The following KYNU variants were observed in gnomAD, a reference collection of about 807,000 sequenced individuals.
KYNU encodes L-kynurenine hydrolase.
Under a neutral mutation model 59.2 loss-of-function variants are expected in KYNU, and 54 were observed. The ratio of observed to expected loss-of-function variants is 0.91; its 90% CI spans 0.73 to 1.14. The LOEUF (loss-of-function observed/expected upper bound fraction) is 1.14. Among genes scored for constraint, KYNU ranks in the 50% most tolerant of loss-of-function variants. The pLI, the probability that KYNU is intolerant of heterozygous loss-of-function variation, is 0.00. For synonymous variants in KYNU, 177 were observed against 192.0 expected (o/e 0.92, Z 0.65); for missense variants, 567 against 554.4 (o/e 1.02, Z -0.23).
Position 142,881,915 on chromosome 2 carries a change from TC to T in KYNU, c.-19-3433del, listed in dbSNP as rs1410217261. On this transcript the variant is annotated intron_variant, in intron 1 of 13. Coordinates refer to ENST00000264170, the MANE Select transcript of KYNU (RefSeq NM_003937.3). ...CACACCTGGCTTTTCTTTTCTTTTT[TC>T]TTTTTTTTTTTTTTTTTTTGTAGAG... 6.2e-3 allele frequency among the ~76,000 whole-genome samples: 817 copies of T among 132,692 alleles called. 16 individuals carry two copies. The highest frequency in any genetic ancestry group is 0.015 in the Middle Eastern group (4 of 268). The allele number at this position is 132,692 out of a possible 152,430, so 87.1% of individuals were successfully genotyped here.
chr2:143,018,356 T>C (rs1050951121), intron 10 of KYNU, among the ~76,000 whole-genome samples: 3 of 152,236 alleles, frequency 2.0e-5, no homozygotes, highest in African/African-American at 7.2e-5. Context: ...TTCTTCTGCA[T>C]ATTGACAGCC....
Position 142,986,560 on chromosome 2 carries a change from T to G in KYNU, c.902+539T>G, listed in dbSNP as rs537650012. ...AACAGACTGACTACATAAAAAGTAA[T>G]ACTTTTCTGTTTTATAGAACTCTTC... is the stretch of plus-strand genomic sequence containing the variant. On this transcript the variant is annotated intron_variant, in intron 10 of 13. Transcript: ENST00000264170. Among the ~76,000 whole-genome samples the G allele has an allele frequency of 2.0e-5, 3 of 152,074 alleles. No individual in the cohort carries two copies. The East Asian group carries it at 5.8e-4, about 30-fold the overall frequency.
chr2:142,953,542 G>A (rs1684064902), intron 4 of KYNU, among the ~76,000 whole-genome samples: 1 of 152,184 alleles, frequency 6.6e-6, no homozygotes, highest in East Asian at 1.9e-4. Flanking sequence ...ACATGGAGAA[G>A]AAGGCATATG....
At chr2:142,992,389 C>T (rs1685421077) in intron 10 of KYNU, among the ~76,000 whole-genome samples, 2 of 151,438 alleles carry the variant, frequency 1.3e-5, no homozygotes, top group Non-Finnish European at 1.5e-5. Context: ...AAGAAATATA[C>T]CAAAAAATCA....
intron 10 of KYNU, chr2:142,989,950 G>A (rs1475390221): frequency 6.6e-6 from 1 of 151,580 alleles, no homozygotes; most frequent in African/African-American, 2.4e-5. Context: ...TTCCTTTTTT[G>A]TTTAAATATG....
chr2:143,039,536 G>A (rs1055549067), intron 12 of KYNU, among the ~76,000 whole-genome samples: 4 of 151,930 alleles, frequency 2.6e-5, no homozygotes, highest in Admixed American at 6.6e-5. Flanking sequence ...GTATGTTCCC[G>A]GACCAAATTG....
At chr2:142,895,162 T>G (rs887266022) in intron 2 of KYNU, among the ~76,000 whole-genome samples, 2 of 152,182 alleles carry the variant, frequency 1.3e-5, no homozygotes, top group Non-Finnish European at 2.9e-5. Flanking sequence ...TTCCATAAAT[T>G]GGAATATTTT....
intron 4 of KYNU, among the ~76,000 whole-genome samples, chr2:142,932,138 A>G (rs959329973): frequency 2.6e-5 from 4 of 152,200 alleles, no homozygotes; most frequent in African/African-American, 9.7e-5. Context: ...CAGACTGGGT[A>G]ATTTCTCAGA....
intron 12 of KYNU, among the ~76,000 whole-genome samples, chr2:143,034,124 T>C (rs1686830088): frequency 6.6e-6 from 1 of 151,374 alleles, no homozygotes; most frequent in Non-Finnish European, 1.5e-5. Context: ...TTATATAGTA[T>C]AAAATTCATA....
intron 8 of KYNU, among the ~76,000 whole-genome samples, chr2:142,969,599 A>T (rs1022762352): frequency 6.6e-6 from 1 of 152,240 alleles, no homozygotes; most frequent in Non-Finnish European, 1.5e-5. Flanking sequence ...TTGATTAAAT[A>T]GACCATTTGA....
intron 2 of KYNU, among the ~76,000 whole-genome samples, chr2:142,886,119 T>C (rs1054117216): frequency 2.6e-4 from 40 of 152,104 alleles, no homozygotes; most frequent in Admixed American, 2.4e-3. Flanking sequence ...GAGGAAGTCA[T>C]TTAAAAAAAT....
intron 4 of KYNU, among the ~76,000 whole-genome samples, chr2:142,933,467 G>A (rs921135617): frequency 1.3e-5 from 2 of 152,140 alleles, no homozygotes; most frequent in African/African-American, 2.4e-5. Flanking sequence ...GGAACCTAGA[G>A]CCTAAAACAT....
intron 4 of KYNU, among the ~76,000 whole-genome samples, chr2:142,939,224 A>G (rs1683497000): frequency 6.6e-6 from 1 of 152,170 alleles, no homozygotes. Flanking sequence ...AGTTCCTACC[A>G]ATTATTATTA....
At chr2:142,977,371 G>GTATATATATATATATATATATA in intron 8 of KYNU, among the ~76,000 whole-genome samples, 1 of 75,320 alleles carries the variant, frequency 1.3e-5, no homozygotes, top group African/African-American at 6.4e-5. Context: ...AATTTTGTGT[G>GTATATATATATATATATATATA]GATATATATA....
At position 142,877,687 on chromosome 2, in the gene KYNU, G is replaced by T. The variant is rs1238475117; in HGVS notation, c.-69G>T. The T allele has an allele frequency of 6.6e-6, 1 of 152,196 alleles. No homozygotes were observed. Among genetic ancestry groups the T allele is most frequent in the Non-Finnish European group, 1.5e-5 (1 of 68,036 alleles). 9.4% of individuals were successfully genotyped at this position (152,196 alleles called of 1,614,324 possible). A position where few individuals can be genotyped will look rare whatever the true frequency, so the allele number is the denominator to read the frequency against. On this transcript the variant is annotated 5_prime_UTR_variant, in exon 1 of 14. In the 5' UTR this introduces an upstream ATG that the reference lacks. Coordinates refer to ENST00000264170, the MANE Select transcript of KYNU (RefSeq NM_003937.3). ...GTACATTTTCAAGGAATTCTTGAGA[G>T]GTTCTTGGAGAGATTCTGGGAGCCA...
Position 143,052,046 on chromosome 2 carries a change from A to C in KYNU, c.*9874A>C, listed in dbSNP as rs919838648. The C allele has an allele frequency of 6.6e-6, 1 of 152,292 alleles. No homozygotes were observed. The highest frequency in any genetic ancestry group is 6.5e-5 in the Admixed American group (1 of 15,286). The allele number at this position is 152,292 out of a possible 1,614,324, so 9.4% of individuals were successfully genotyped here. A position where few individuals can be genotyped will look rare whatever the true frequency, so the allele number is the denominator to read the frequency against. ...TCCAGGCTGAGGTGGTCTCAGACAA[A>C]GATAAGGAACTTCTTGGGAACTGGA... On this transcript the variant is annotated 3_prime_UTR_variant, in exon 14 of 14. Transcript: ENST00000264170.
rs76167375 is a variant in KYNU at position 142,942,956 on chromosome 2, C to T, written c.374-11854C>T. On this transcript the variant is annotated intron_variant, in intron 4 of 13. Coordinates refer to ENST00000264170, the MANE Select transcript of KYNU (RefSeq NM_003937.3). The stretch of plus-strand genomic sequence containing the variant: ...ATTCTTCCCTTACCAGCTGAATGTC[C>T]CTAGAAGGTCACATAAGAGACATTA... Among the ~76,000 whole-genome samples the T allele has an allele frequency of 7.6e-3, 1,159 of 152,178 alleles. 13 individuals are homozygous for T. The highest frequency in any genetic ancestry group is 0.027 in the African/African-American group (1,118 of 41,504).
intron 11 of KYNU, among the ~76,000 whole-genome samples, chr2:143,032,358 C>T (rs977044936): frequency 2.0e-5 from 3 of 151,978 alleles, no homozygotes; most frequent in African/African-American, 7.2e-5. Context: ...AACTCCTTCA[C>T]TATCATGAGA....
intron 2 of KYNU, among the ~76,000 whole-genome samples, chr2:142,886,818 G>C (rs897204763): frequency 3.3e-5 from 5 of 152,162 alleles, no homozygotes; most frequent in African/African-American, 7.2e-5. Flanking sequence ...TGGTGGCCCT[G>C]CCCTGATGTG....
Sources: allele counts gnomAD v4.1 joint callset (sites outside exome capture counted in the v4.1 genomes callset), GRCh38; gene constraint gnomAD v4.1.1; transcripts MANE v1.5; gene names NCBI Gene and HGNC (gene_info 2026-07-23, HGNC 2026-07-21).